The following NXPE2 variants were observed in gnomAD, a reference collection of about 807,000 sequenced individuals.
The protein encoded by NXPE2 is NXPE family member 2.
In NXPE2, 34 loss-of-function variants were observed where a neutral mutation model predicts 34.4. That is an observed-to-expected ratio of 0.99 (90% CI 0.75 to 1.31). The LOEUF (loss-of-function observed/expected upper bound fraction) is 1.31, where lower values mean the gene tolerates loss of function less well. Ranked by LOEUF, NXPE2 falls within the 40% of genes most tolerant of loss-of-function variation. NXPE2 has a pLI of 0.00. For missense variants in NXPE2, 649 were observed against 672.5 expected (o/e 0.97, Z 0.39); for synonymous variants, 235 against 231.3 (o/e 1.02, Z -0.15).
chr11:114,687,706 A>T (rs1253688697), intron 2 of NXPE2, among the ~76,000 whole-genome samples: 1 of 152,024 alleles, frequency 6.6e-6, no homozygotes, highest in Non-Finnish European at 1.5e-5. Flanking sequence ...ATGGACATTT[A>T]AATGATATAG....
the NXPE2 span, among the ~76,000 whole-genome samples, chr11:114,616,178 T>G: frequency 6.6e-6 from 1 of 151,522 alleles, no homozygotes; most frequent in Non-Finnish European, 1.5e-5. Context: ...CTGTGTATGA[T>G]AAGTAATGTC....
At chr11:114,797,530 G>A in the NXPE2 span, among the ~76,000 whole-genome samples, 2 of 152,112 alleles carry the variant, frequency 1.3e-5, no homozygotes, top group South Asian at 2.1e-4. Context: ...CCTCCCTCCT[G>A]TATTTATGGC....
chr11:114,607,539 T>TAGATAATA, the NXPE2 span, among the ~76,000 whole-genome samples: 4 of 152,140 alleles, frequency 2.6e-5, no homozygotes, highest in African/African-American at 9.6e-5. Context: ...TGTTACCCGG[T>TAGATAATA]AGATAATAAG....
At chr11:114,516,324 C>G in the NXPE2 span, among the ~76,000 whole-genome samples, 1 of 152,220 alleles carries the variant, frequency 6.6e-6, no homozygotes, top group African/African-American at 2.4e-5. Flanking sequence ...TAATCAAGAG[C>G]AATTCAAAAT....
At chr11:114,711,290 CA>C (rs879654314), downstream of NXPE2, among the ~76,000 whole-genome samples, 3 of 150,978 alleles carry the variant, frequency 2.0e-5, no homozygotes, top group African/African-American at 4.8e-5. Context: ...TAGCATATGA[CA>C]AAAAAAAGAA....
chr11:114,580,682 T>A, the NXPE2 span, among the ~76,000 whole-genome samples: 2 of 152,226 alleles, frequency 1.3e-5, no homozygotes, highest in Non-Finnish European at 2.9e-5. Flanking sequence ...AATTATCCTA[T>A]CATTTTAGCT....
the NXPE2 span, among the ~76,000 whole-genome samples, chr11:114,622,012 G>A: frequency 1.3e-5 from 2 of 149,868 alleles, no homozygotes; most frequent in Non-Finnish European, 3.0e-5. Context: ...ATAAGTACTG[G>A]CTCATGGGTA....
rs1951427712 is a variant in NXPE2 at position 114,704,153 on chromosome 11, A to T, written c.928+101A>T. On this transcript the variant is annotated intron_variant, in intron 4 of 5. Transcript: ENST00000389586. ...TTCCACATTAACGATTTGATCTCTC[A>T]TTTCCTGGGACAAATTACATCAACC... 6 of 841,606 alleles carry T rather than the reference A, an allele frequency of 7.1e-6. No homozygotes were observed. The South Asian group carries it at 1.1e-4, about 15-fold the overall frequency. The allele number at this position is 841,606 out of a possible 1,614,324, so 52.1% of individuals were successfully genotyped here.
At chr11:114,468,110 T>C in the NXPE2 span, among the ~76,000 whole-genome samples, 38 of 145,126 alleles carry the variant, frequency 2.6e-4, no homozygotes, top group Middle Eastern at 7.1e-3. Flanking sequence ...AATACACTAA[T>C]ACTAATGTTA....
chr11:114,587,086 G>A, the NXPE2 span, among the ~76,000 whole-genome samples: 5 of 152,176 alleles, frequency 3.3e-5, no homozygotes, highest in Admixed American at 2.6e-4. Flanking sequence ...GGCCCTTTGC[G>A]GAAACACTCT....
At position 114,707,001 on chromosome 11, in the gene NXPE2, T is replaced by C. The variant is rs961176259; in HGVS notation, c.*71T>C. 1.6e-6 allele frequency: 2 copies of C among 1,238,586 alleles called. No individual in the cohort carries two copies. Among genetic ancestry groups the C allele is most frequent in the Non-Finnish European group, 2.2e-6 (2 of 914,640 alleles). The allele number at this position is 1,238,586 out of a possible 1,614,324, so 76.7% of individuals were successfully genotyped here. ...CACATATACAGCGAAGATAGTTTAATGCAATCCAAGTTTTGAGGAAACTAA... is the reference window on the plus strand; with the variant it reads ...CACATATACAGCGAAGATAGTTTAACGCAATCCAAGTTTTGAGGAAACTAA... On this transcript the variant is annotated 3_prime_UTR_variant, in exon 6 of 6. Coordinates refer to ENST00000389586, the MANE Select transcript of NXPE2 (RefSeq NM_182495.6).
chr11:114,549,164 T>C, the NXPE2 span, among the ~76,000 whole-genome samples: 1 of 151,904 alleles, frequency 6.6e-6, no homozygotes, highest in Non-Finnish European at 1.5e-5. Flanking sequence ...AAAGCCAGGC[T>C]GATGGAATTC....
At chr11:114,506,112 TA>T in the NXPE2 span, among the ~76,000 whole-genome samples, 26,236 of 133,924 alleles carry the variant, frequency 0.2, 2,492 homozygotes, top group Middle Eastern at 0.26. Context: ...CAAGAAATAT[TA>T]AAAAAAAAAA....
the NXPE2 span, among the ~76,000 whole-genome samples, chr11:114,574,815 A>G: frequency 6.6e-6 from 1 of 152,174 alleles, no homozygotes; most frequent in Non-Finnish European, 1.5e-5. Flanking sequence ...ACAGAGAAAG[A>G]GGGAATCCTC....
chr11:114,522,505 T>G, the NXPE2 span: 5 of 1,575,362 alleles, frequency 3.2e-6, no homozygotes, highest in Non-Finnish European at 4.3e-6. Flanking sequence ...ACTTCAGTGC[T>G]GATAAAAAAA....
chr11:114,705,593 A>G (rs977237426), intron 4 of NXPE2, among the ~76,000 whole-genome samples, 188 bp from the exon 5 acceptor site: 7 of 152,212 alleles, frequency 4.6e-5, no homozygotes, highest in African/African-American at 1.7e-4. Context: ...ACTATTCAAG[A>G]AAAGCTATTT....
At chr11:114,623,261 A>G in the NXPE2 span, among the ~76,000 whole-genome samples, 11 of 149,628 alleles carry the variant, frequency 7.4e-5, no homozygotes, top group African/African-American at 2.7e-4. Context: ...TGGGTAATAC[A>G]TATTGCCTCG....
At chr11:114,618,188 C>T in the NXPE2 span, among the ~76,000 whole-genome samples, 1 of 146,924 alleles carries the variant, frequency 6.8e-6, no homozygotes, top group African/African-American at 2.5e-5. Flanking sequence ...CCGGTGGATA[C>T]TAAGTATTGC....
the NXPE2 span, among the ~76,000 whole-genome samples, chr11:114,765,451 T>C: frequency 5.3e-5 from 8 of 152,210 alleles, no homozygotes; most frequent in African/African-American, 1.9e-4. Flanking sequence ...TTCTTAGATA[T>C]AATGCTGTTG....
Sources: gnomAD v4.1 joint callset for allele counts (sites outside exome capture counted in the v4.1 genomes callset) on GRCh38, gnomAD v4.1.1 for gene constraint, MANE v1.5 for transcripts, NCBI Gene and HGNC (gene_info 2026-07-23, HGNC 2026-07-21) for gene names.